The following UBE3D variants were observed in gnomAD, a reference collection of about 807,000 sequenced individuals.
UBE3D encodes ubiquitin protein ligase E3D.
UBE3D carries 48 observed loss-of-function variants against 49.6 expected under a neutral mutation model. The ratio of observed to expected loss-of-function variants is 0.97; its 90% CI spans 0.77 to 1.23. UBE3D has a LOEUF of 1.23. Among genes scored for constraint, UBE3D ranks in the 50% most tolerant of loss-of-function variants. UBE3D has a pLI of 0.00. For missense variants in UBE3D, 452 were observed against 468.4 expected (o/e 0.96, Z 0.32); for synonymous variants, 189 against 174.2 (o/e 1.08, Z -0.67).
intron 8 of UBE3D, among the ~76,000 whole-genome samples, chr6:82,989,242 T>C (rs1222987166): frequency 6.6e-6 from 1 of 152,074 alleles, no homozygotes; most frequent in Admixed American, 6.6e-5. Flanking sequence ...ACCCCTGCCT[T>C]CTGCTCTACA....
chr6:82,967,051 T>A (rs560004039), intron 8 of UBE3D, among the ~76,000 whole-genome samples: 19 of 152,330 alleles, frequency 1.2e-4, no homozygotes, highest in Non-Finnish European at 2.4e-4. Context: ...CTGCCTCAAA[T>A]GGGAAAATCA....
rs1207233142 is a variant in UBE3D at position 82,893,056 on chromosome 6, A to G, written c.1150-14T>C. 2 of 1,613,410 alleles carry G rather than the reference A, an allele frequency of 1.2e-6. No individual in the cohort carries two copies. The highest frequency in any genetic ancestry group is 1.7e-6 in the Non-Finnish European group (2 of 1,179,706). On this transcript the variant is annotated splice_polypyrimidine_tract_variant and intron_variant, in intron 9 of 9. Transcript: ENST00000369747. The stretch of plus-strand genomic sequence containing the variant: ...CAAAAAGGCCACCTGGAGAAGGAAG[A>G]AAAACCCACAATGCTTTACTTCTAT...
At chr6:83,065,412 C>A (rs1784426906) in intron 1 of UBE3D, among the ~76,000 whole-genome samples, 1 of 152,122 alleles carries the variant, frequency 6.6e-6, no homozygotes, top group African/African-American at 2.4e-5. Context: ...TGGTGTGGAG[C>A]TGAGACCCTG....
chr6:82,933,578 G>A (rs1477778142), intron 9 of UBE3D, among the ~76,000 whole-genome samples: 3 of 152,190 alleles, frequency 2.0e-5, no homozygotes, highest in African/African-American at 4.8e-5. Flanking sequence ...TCCATAGGTA[G>A]AGTGTAGTGG....
chr6:82,913,201 A>G (rs931511136), intron 9 of UBE3D, among the ~76,000 whole-genome samples: 4 of 152,212 alleles, frequency 2.6e-5, no homozygotes, highest in Non-Finnish European at 5.9e-5. Context: ...CTGCACAAGT[A>G]CCAAAGGGTG....
intron 9 of UBE3D, among the ~76,000 whole-genome samples, chr6:82,934,757 A>G (rs1202061211): frequency 6.6e-6 from 1 of 150,986 alleles, no homozygotes; most frequent in African/African-American, 2.4e-5. Context: ...ATATCTTCAT[A>G]GAGATTTTTA....
rs1273830025 is a variant in UBE3D, at chr6:83,006,216, C to T, written c.1010+12757G>A. On this transcript the variant is annotated intron_variant, in intron 8 of 9. Coordinates refer to ENST00000369747, the MANE Select transcript of UBE3D (RefSeq NM_198920.3). ...CTCCAGCCTGAGTGACAGAGTGAGA[C>T]TCTGTTTCAAAAAACAAACAAACAA... Among the ~76,000 whole-genome samples, 7 of 152,154 alleles carry T rather than the reference C, an allele frequency of 4.6e-5. No individual in the cohort carries two copies. The East Asian group carries it at 1.2e-3, about 25-fold the overall frequency.
chr6:83,041,223 T>C (rs898677028), intron 4 of UBE3D, among the ~76,000 whole-genome samples: 3 of 152,202 alleles, frequency 2.0e-5, no homozygotes, highest in Non-Finnish European at 1.5e-5. Context: ...ACTTCCTTTG[T>C]AACTGCCATC....
chr6:83,057,836 T>A lies in UBE3D; in HGVS notation c.264A>T (p.Lys88Asn), dbSNP rs752289218. ...GLHLRLQTQA[K>N]LGTKLISMFN... Reference sequence around the variant, plus strand: ...GCTAATATTACTCACTTGTGCCTAATTTTGCTTGCGTCTGCAGTCGCAGGT... The same window carrying A: ...GCTAATATTACTCACTTGTGCCTAAATTTGCTTGCGTCTGCAGTCGCAGGT... Residue 88 changes from lysine to asparagine, a missense_variant, in exon 2 of 10, where the codon AAA becomes AAT. Transcript: ENST00000369747. The A allele has an allele frequency of 6.2e-7, 1 of 1,614,044 alleles. No homozygotes were observed. Among genetic ancestry groups the A allele is most frequent in the Non-Finnish European group, 8.5e-7 (1 of 1,179,990 alleles).
chr6:83,049,260 A>C (rs1783293495), intron 3 of UBE3D, among the ~76,000 whole-genome samples: 1 of 152,212 alleles, frequency 6.6e-6, no homozygotes, highest in South Asian at 2.1e-4. Flanking sequence ...CAGCTTCTAC[A>C]GACTGGATTA....
chr6:82,953,678 T>C, intron 9 of UBE3D, among the ~76,000 whole-genome samples: 1 of 152,198 alleles, frequency 6.6e-6, no homozygotes, highest in East Asian at 1.9e-4. Flanking sequence ...ATCCAGGCAC[T>C]ATACTAAGTT....
In UBE3D at chr6:82,957,440, A is replaced by G; in HGVS notation, c.1021T>C (p.Leu341=). 1.2e-6 allele frequency: 2 copies of G among 1,614,008 alleles called. No individual in the cohort carries two copies. The highest frequency in any genetic ancestry group is 1.7e-6 in the Non-Finnish European group (2 of 1,179,948). Residue 341 remains leucine, a synonymous_variant, in exon 9 of 10, where the codon TTG becomes CTG. Transcript: ENST00000369747. ...TGGACGCTGATGTCACTTTCCCACA[A>G]GCTGACAAGTCTGGAACACACCAAC... ...IKSRNEKLVS[L]WESDISVHPL... is the part of the protein sequence containing the mutation.
At chr6:82,941,715 T>C (rs1322749623) in intron 9 of UBE3D, among the ~76,000 whole-genome samples, 1 of 152,174 alleles carries the variant, frequency 6.6e-6, no homozygotes, top group Non-Finnish European at 1.5e-5. Flanking sequence ...CTCATGCTGC[T>C]CTCGTGATAG....
At chr6:82,979,050 C>CA (rs1777928715) in intron 8 of UBE3D, among the ~76,000 whole-genome samples, 2 of 152,140 alleles carry the variant, frequency 1.3e-5, no homozygotes, top group African/African-American at 4.8e-5. Context: ...CTGGGAAAAT[C>CA]AAAACTGAAA....
rs568781449 is a variant in UBE3D at position 82,965,707 on chromosome 6, G to T, written c.1011-8257C>A. Among the ~76,000 whole-genome samples, 25 of 152,046 alleles carry T rather than the reference G, an allele frequency of 1.6e-4. 1 individual carries two copies. In the South Asian group the frequency reaches 5.0e-3, roughly 30 times the overall value. On this transcript the variant is annotated intron_variant, in intron 8 of 9. Coordinates refer to ENST00000369747, the MANE Select transcript of UBE3D (RefSeq NM_198920.3). ...AATAATTAGAAGTCTATCTAAAGAG[G>T]CCAGCTACTTCTTCAGATTTTAAAG...
rs770696917 is a variant in UBE3D at position 83,022,513 on chromosome 6, G to A, written c.786C>T (p.Ser262=). ...SVIAQCLVQL[S]SARSTFRFTI... is the part of the protein sequence containing the mutation. ...TGAATCTAAAAGTGCTTCTAGCAGA[G>A]GAGAGCTGCACCAGACACTGGGCGA... is the stretch of plus-strand genomic sequence containing the variant. The change falls in exon 7 of 10, where the codon TCC becomes TCT. Residue 262 remains serine (S), a synonymous_variant. Transcript: ENST00000369747. 1 of 1,606,624 alleles carries A rather than the reference G, an allele frequency of 6.2e-7. No homozygotes were observed. Among genetic ancestry groups the A allele is most frequent in the Non-Finnish European group, 8.5e-7 (1 of 1,177,110 alleles).
intron 8 of UBE3D, among the ~76,000 whole-genome samples, chr6:82,988,024 T>C (rs1203875614): frequency 6.6e-6 from 1 of 152,216 alleles, no homozygotes; most frequent in Admixed American, 6.5e-5. Flanking sequence ...GTTAATAGTA[T>C]GTAATTTTAA....
chr6:82,930,872 G>A (rs1246147961), intron 9 of UBE3D, among the ~76,000 whole-genome samples: 1 of 152,196 alleles, frequency 6.6e-6, no homozygotes, highest in Non-Finnish European at 1.5e-5. Flanking sequence ...GCAGAAATTT[G>A]CGTGAGAAAC....
the UBE3D span, among the ~76,000 whole-genome samples, chr6:82,881,074 T>G: frequency 6.6e-6 from 1 of 152,170 alleles, no homozygotes; most frequent in African/African-American, 2.4e-5. Flanking sequence ...GGGTTCAGAT[T>G]TCAATACATG....
Sources: allele counts gnomAD v4.1 joint callset (sites outside exome capture counted in the v4.1 genomes callset), GRCh38; gene constraint gnomAD v4.1.1; transcripts MANE v1.5; gene names NCBI Gene and HGNC (gene_info 2026-07-23, HGNC 2026-07-21).